SNX13: variants seen among roughly 807,000 people sequenced by gnomAD.
SNX13 encodes the protein sorting nexin 13.
A neutral mutation model predicts 133.6 loss-of-function variants in SNX13; 45 were observed. The observed-to-expected ratio is 0.34, with a 90% CI of 0.27 to 0.43. The LOEUF is 0.43. Among genes scored for constraint, SNX13 ranks in the 20% least tolerant of loss-of-function variants. The pLI is 1.00. For missense variants in SNX13, 1,032 were observed against 1,145.1 expected, an observed-to-expected ratio of 0.90 and a Z score of 1.43; for synonymous variants, 414 against 373.9, an observed-to-expected ratio of 1.11 and a Z score of -1.24.
At chr7:17,877,045 GAA>G (rs57618763) in intron 5 of SNX13, among the ~76,000 whole-genome samples, 2,620 of 60,036 alleles carry the variant, frequency 0.044, 103 homozygotes, top group African/African-American at 0.12. Flanking sequence ...GTTACTTTTT[GAA>G]AAAAAAAAAA....
chr7:17,806,861 A>T (rs1191950132), intron 20 of SNX13, among the ~76,000 whole-genome samples: 1 of 152,112 alleles, frequency 6.6e-6, no homozygotes, highest in East Asian at 1.9e-4. Flanking sequence ...GGGGTCAGGG[A>T]ACTCCTTCCC....
chr7:17,844,753 A>G (rs1445786207), intron 12 of SNX13, among the ~76,000 whole-genome samples: 1 of 151,978 alleles, frequency 6.6e-6, no homozygotes, highest in Non-Finnish European at 1.5e-5. Flanking sequence ...ATACAAAAAA[A>G]AAAAAATCAG....
intron 12 of SNX13, among the ~76,000 whole-genome samples, chr7:17,845,389 G>T (rs1223024547): frequency 6.6e-6 from 1 of 152,176 alleles, no homozygotes; most frequent in African/African-American, 2.4e-5. Flanking sequence ...GAGGAATGGA[G>T]AGAGTTGGTG....
intron 1 of SNX13, among the ~76,000 whole-genome samples, chr7:17,924,434 T>C (rs1318589341): frequency 6.6e-6 from 1 of 152,184 alleles, no homozygotes; most frequent in Non-Finnish European, 1.5e-5. Flanking sequence ...CACTAAGAGA[T>C]GCTACTTGCG....
At chr7:17,807,498 G>C (rs1785446597) in intron 20 of SNX13, among the ~76,000 whole-genome samples, 1 of 152,196 alleles carries the variant, frequency 6.6e-6, no homozygotes, top group Non-Finnish European at 1.5e-5. Context: ...CAATCTCCCT[G>C]GGACAGAGCA....
intron 9 of SNX13, among the ~76,000 whole-genome samples, chr7:17,859,146 G>GA (rs887811800): frequency 5.9e-5 from 9 of 151,856 alleles, no homozygotes; most frequent in African/African-American, 1.7e-4. Context: ...CACTGAACGA[G>GA]AAAAAATACC....
At chr7:17,799,811 T>A (rs1287526995) in intron 22 of SNX13, among the ~76,000 whole-genome samples, 1 of 151,786 alleles carries the variant, frequency 6.6e-6, no homozygotes, top group Non-Finnish European at 1.5e-5. Context: ...TCGGAATGCT[T>A]TGATGCAAAA....
At chr7:17,913,052 A>G (rs1799165659) in intron 1 of SNX13, among the ~76,000 whole-genome samples, 1 of 152,196 alleles carries the variant, frequency 6.6e-6, no homozygotes, top group South Asian at 2.1e-4. Context: ...TTTCATGGAC[A>G]GTTCAGGGAG....
intron 8 of SNX13, among the ~76,000 whole-genome samples, chr7:17,871,058 T>G (rs929731434): frequency 6.6e-6 from 1 of 151,232 alleles, no homozygotes; most frequent in Admixed American, 6.6e-5. Context: ...CAGGCTGGAG[T>G]GCAGTGGCGC....
At chr7:17,799,257 A>AAC (rs1784376635) in intron 22 of SNX13, 103 bp from the exon 23 acceptor site, 1 of 969,310 alleles carries the variant, frequency 1.0e-6, no homozygotes, top group Non-Finnish European at 1.4e-6. Context: ...CAAGTCAGAG[A>AAC]ACAAGTTACA....
At chr7:17,873,714 GTTCCCT>G in intron 7 of SNX13, 98 bp from the exon 8 acceptor site, 1 of 627,186 alleles carries the variant, frequency 1.6e-6, no homozygotes, top group Non-Finnish European at 2.5e-6. Flanking sequence ...GAAATAACCA[GTTCCCT>G]GGTTACAATG....
Position 17,875,523 on chromosome 7 carries a change from C to A in SNX13, c.621G>T (p.Glu207Asp). ...AAGTGCACACTAGATCACGGCAAAC[C>A]TCCTTCTCCATTTCAACTTCAACTT... ...FFEVEVEMEK[E>D]VCRDLVCTSP... Residue 207 changes from glutamate (E) to aspartate (D), a missense_variant, in exon 7 of 26, where the codon GAG becomes GAT. By Grantham distance (45) the Glu-to-Asp change is conservative. Coordinates refer to ENST00000428135, the MANE Select transcript of SNX13 (RefSeq NM_015132.5). 6.2e-7 allele frequency: 1 copy of A among 1,609,528 alleles called. No individual in the cohort carries two copies. The highest frequency in any genetic ancestry group is 1.7e-5 in the Admixed American group (1 of 59,344).
At chr7:17,867,183 G>C (rs1166076214) in intron 9 of SNX13, among the ~76,000 whole-genome samples, 2 of 152,128 alleles carry the variant, frequency 1.3e-5, no homozygotes, top group African/African-American at 2.4e-5. Context: ...GTCTAAAAAA[G>C]TTCACAGAGG....
intron 1 of SNX13, among the ~76,000 whole-genome samples, chr7:17,939,111 A>T (rs182630065): frequency 6.6e-6 from 1 of 152,358 alleles, no homozygotes; most frequent in Non-Finnish European, 1.5e-5. Context: ...AGCAAAGTAT[A>T]AAGTTCCTCA....
chr7:17,859,354 G>A (rs1173586556), intron 9 of SNX13, among the ~76,000 whole-genome samples: 2 of 151,934 alleles, frequency 1.3e-5, no homozygotes, highest in East Asian at 3.9e-4. Context: ...GAAACTGCAA[G>A]TAACTACAAC....
intron 9 of SNX13, among the ~76,000 whole-genome samples, chr7:17,854,120 TTC>T (rs1279720323): frequency 2.0e-5 from 3 of 152,200 alleles, no homozygotes; most frequent in African/African-American, 7.2e-5. Context: ...AAGATTTTTT[TTC>T]TGTTCTTTAT....
chr7:17,921,996 TA>T (rs1800177068), intron 1 of SNX13, among the ~76,000 whole-genome samples: 1 of 152,242 alleles, frequency 6.6e-6, no homozygotes, highest in South Asian at 2.1e-4. Flanking sequence ...AACTTCACTT[TA>T]GACACTACAA....
At chr7:17,915,629 G>GTC (rs976279692) in intron 1 of SNX13, among the ~76,000 whole-genome samples, 7 of 119,500 alleles carry the variant, frequency 5.9e-5, no homozygotes, top group African/African-American at 1.2e-4. Context: ...CTGTCTGTCT[G>GTC]TCTCTCTCTC....
chr7:17,889,676 TA>T (rs1562475833), intron 5 of SNX13: 1 of 151,936 alleles, frequency 6.6e-6, no homozygotes, highest in African/African-American at 2.4e-5. Flanking sequence ...AAAGTAAACA[TA>T]ATTTAAACAG....
Sources: allele counts gnomAD v4.1 joint callset (sites outside exome capture counted in the v4.1 genomes callset), GRCh38; gene constraint gnomAD v4.1.1; transcripts MANE v1.5; gene names NCBI Gene and HGNC (gene_info 2026-07-23, HGNC 2026-07-21).